Variants in PLCH1 observed in about 807,000 individuals in gnomAD.
The protein encoded by PLCH1 is phospholipase C eta 1, also known as 1-phosphatidylinositol 4,5-bisphosphate phosphodiesterase eta-1.
PLCH1 carries 60 observed loss-of-function variants against 126.7 expected under a neutral mutation model. The observed-to-expected ratio is 0.47, with a 90% CI of 0.38 to 0.59. PLCH1 has a LOEUF of 0.59. Among genes scored for constraint, PLCH1 ranks in the 20% least tolerant of loss-of-function variants. PLCH1 has a pLI of 0.00. For synonymous variants in PLCH1, 719 were observed against 734.9 expected (o/e 0.98, Z 0.35); for missense variants, 1,723 against 2,040.0 (o/e 0.84, Z 2.99).
rs140271868 is a variant in PLCH1 at position 155,654,794 on chromosome 3, T to C, written c.79+49352A>G. On this transcript the variant is annotated intron_variant, in intron 2 of 22. Coordinates refer to ENST00000460012, the MANE Select transcript of PLCH1 (RefSeq NM_014996.4). ...TAAGTCCATCCTCCATGGTGCAGTC[T>C]AAGAGGTCCCTTAAAGAGAATCCTA... Among the ~76,000 whole-genome samples the C allele has an allele frequency of 3.2e-3, 494 of 152,334 alleles. 2 individuals carry two copies. Among genetic ancestry groups the C allele is most frequent in the South Asian group, 0.02 (97 of 4,824 alleles).
chr3:155,602,131 T>C (rs1733822220), intron 2 of PLCH1, among the ~76,000 whole-genome samples: 1 of 152,142 alleles, frequency 6.6e-6, no homozygotes, highest in African/African-American at 2.4e-5. Context: ...AATGGAGTAC[T>C]ATGTAAGTGT....
chr3:155,731,457 C>T (rs570626917), intron 1 of PLCH1, among the ~76,000 whole-genome samples: 2 of 152,168 alleles, frequency 1.3e-5, no homozygotes, highest in South Asian at 2.1e-4. Context: ...CTGGCTCAAC[C>T]CTGAAGATTC....
At chr3:155,668,895 GA>G in intron 2 of PLCH1, among the ~76,000 whole-genome samples, 1 of 152,086 alleles carries the variant, frequency 6.6e-6, no homozygotes, top group Non-Finnish European at 1.5e-5. Flanking sequence ...CAGTCTAAAA[GA>G]AAAAGAAAAA....
rs1577313076 is a variant in PLCH1 at position 155,682,020 on chromosome 3, C to T, written c.79+22126G>A. ...TAGCTGTCCTGGGCAATATCTGGTT[C>T]TGAAGCAGAGGGTAGCACTATCCAT... On this transcript the variant is annotated intron_variant, in intron 2 of 22. Coordinates refer to ENST00000460012, the MANE Select transcript of PLCH1 (RefSeq NM_014996.4). Among the ~76,000 whole-genome samples, 3 of 152,262 alleles carry T rather than the reference C, an allele frequency of 2.0e-5. No homozygotes were observed. The South Asian group carries it at 6.2e-4, about 32-fold the overall frequency.
intron 6 of PLCH1, among the ~76,000 whole-genome samples, chr3:155,580,056 C>A (rs1223294522): frequency 6.6e-6 from 1 of 152,128 alleles, no homozygotes; most frequent in Non-Finnish European, 1.5e-5. Flanking sequence ...GAAAAACATT[C>A]ATCCCTGCTA....
intron 1 of PLCH1, among the ~76,000 whole-genome samples, chr3:155,710,278 C>T (rs982911182): frequency 2.6e-5 from 4 of 152,294 alleles, no homozygotes; most frequent in African/African-American, 7.2e-5. Context: ...ACATGAAGCA[C>T]TGCACCCGGC....
intron 1 of PLCH1, among the ~76,000 whole-genome samples, chr3:155,724,634 T>A (rs1039869026): frequency 6.6e-6 from 1 of 152,146 alleles, no homozygotes; most frequent in Non-Finnish European, 1.5e-5. Flanking sequence ...ATGTGAGTCG[T>A]TCTGTGTTAG....
chr3:155,468,324 CAGAA>C (rs1345832517), intron 21 of PLCH1, among the ~76,000 whole-genome samples: 3 of 151,936 alleles, frequency 2.0e-5, no homozygotes, highest in Non-Finnish European at 4.4e-5. Context: ...TAGGGGAAGA[CAGAA>C]AGGAAAGAAA....
At chr3:155,700,617 CA>C (rs1746202435) in intron 2 of PLCH1, among the ~76,000 whole-genome samples, 1 of 152,116 alleles carries the variant, frequency 6.6e-6, no homozygotes, top group African/African-American at 2.4e-5. Flanking sequence ...TTATAACTAG[CA>C]GTATGTGAAG....
rs915121724 is a variant in PLCH1 at position 155,688,662 on chromosome 3, A to G, written c.79+15484T>C. Among the ~76,000 whole-genome samples the G allele has an allele frequency of 1.2e-4, 18 of 152,222 alleles. 1 individual carries two copies. The highest frequency in any genetic ancestry group is 3.2e-3 in the Middle Eastern group (1 of 316). ...CCCGCCCTGGGCCAGAAGGGAGTCC[A>G]CTGCCTTGAAGGGTGGGTCCCAGGC... is the stretch of plus-strand genomic sequence containing the variant. On this transcript the variant is annotated intron_variant, in intron 2 of 22. Coordinates refer to ENST00000460012, the MANE Select transcript of PLCH1 (RefSeq NM_014996.4).
chr3:155,593,496 A>G (rs1732478402), intron 4 of PLCH1, among the ~76,000 whole-genome samples: 1 of 152,260 alleles, frequency 6.6e-6, no homozygotes, highest in Non-Finnish European at 1.5e-5. Context: ...CTCAGTGCCC[A>G]GTATCTAATC....
chr3:155,554,528 G>A (rs913739768), intron 8 of PLCH1, among the ~76,000 whole-genome samples: 5 of 147,590 alleles, frequency 3.4e-5, no homozygotes, highest in Non-Finnish European at 6.0e-5. Context: ...TTCTTGAAAG[G>A]TCATTTACCC....
At position 155,535,036 on chromosome 3, in the gene PLCH1, A is replaced by G. The variant is rs372445335; in HGVS notation, c.1363-11032T>C. Among the ~76,000 whole-genome samples, 34 of 152,340 alleles carry G rather than the reference A, an allele frequency of 2.2e-4. 2 individuals carry two copies. The highest frequency in any genetic ancestry group is 1.7e-3 in the East Asian group (9 of 5,192). ...AACAGACTAATAAAATGAGAGAAGG[A>G]TTTGGCCTTACCAAGAGCTGAAACA... On this transcript the variant is annotated intron_variant, in intron 10 of 22. Coordinates refer to ENST00000460012, the MANE Select transcript of PLCH1 (RefSeq NM_014996.4).
chr3:155,546,579 A>G (rs1478790488), intron 10 of PLCH1, among the ~76,000 whole-genome samples: 1 of 152,238 alleles, frequency 6.6e-6, no homozygotes, highest in Non-Finnish European at 1.5e-5. Flanking sequence ...CTGCAACGCC[A>G]AGTCAATCCT....
At position 155,680,886 on chromosome 3, in the gene PLCH1, C is replaced by T. The variant is rs543896321; in HGVS notation, c.79+23260G>A. Among the ~76,000 whole-genome samples, 16 of 152,154 alleles carry T rather than the reference C, an allele frequency of 1.1e-4. No homozygotes were observed. In the East Asian group the frequency reaches 2.1e-3, roughly 20 times the overall value. Reference sequence around the variant, plus strand: ...TTTTGGAATACTGTCTAACCATTAACGATGTCTGTAAGACATTGCAATTAC... The same window carrying T: ...TTTTGGAATACTGTCTAACCATTAATGATGTCTGTAAGACATTGCAATTAC... On this transcript the variant is annotated intron_variant, in intron 2 of 22. Coordinates refer to ENST00000460012, the MANE Select transcript of PLCH1 (RefSeq NM_014996.4).
rs138924717 is a variant in PLCH1 at position 155,735,498 on chromosome 3, G to A, written c.-41+9342C>T. On this transcript the variant is annotated intron_variant, in intron 1 of 22. Transcript: ENST00000460012. The stretch of plus-strand genomic sequence containing the variant: ...AAAATACAAAAATTAGCCGGGCGTG[G>A]TGGCAGGCACCTGTAATCCCAGCTA... Among the ~76,000 whole-genome samples, 1,385 of 152,090 alleles carry A rather than the reference G, an allele frequency of 9.1e-3. 10 individuals are homozygous for A. The highest frequency in any genetic ancestry group is 0.038 in the East Asian group (196 of 5,134).
intron 2 of PLCH1, among the ~76,000 whole-genome samples, chr3:155,693,484 A>G (rs1745565250): frequency 6.6e-6 from 1 of 151,300 alleles, no homozygotes; most frequent in Non-Finnish European, 1.5e-5. Flanking sequence ...AAAAAAAAAA[A>G]AAAAAAAAAA....
chr3:155,735,271 G>A (rs569928618), intron 1 of PLCH1, among the ~76,000 whole-genome samples: 1 of 152,174 alleles, frequency 6.6e-6, no homozygotes, highest in Admixed American at 6.5e-5. Flanking sequence ...TTAGATAGGG[G>A]GAAGAAGTTC....
intron 2 of PLCH1, among the ~76,000 whole-genome samples, chr3:155,626,718 G>A (rs1201208280): frequency 2.2e-5 from 3 of 135,628 alleles, no homozygotes; most frequent in Admixed American, 8.2e-5. Flanking sequence ...GCAGTGAGCC[G>A]AGATCGTGCC....
Sources: allele counts gnomAD v4.1 joint callset (sites outside exome capture counted in the v4.1 genomes callset), GRCh38; gene constraint gnomAD v4.1.1; transcripts MANE v1.5; gene names NCBI Gene and HGNC (gene_info 2026-07-23, HGNC 2026-07-21).